DEPDC5: variants seen among roughly 807,000 people sequenced by gnomAD.
DEPDC5 encodes GATOR1 complex protein DEPDC5.
In DEPDC5, 73 loss-of-function variants were observed where a neutral mutation model predicts 217.3. That is an observed-to-expected ratio of 0.34 (90% CI 0.28 to 0.41). DEPDC5 has a LOEUF of 0.41. Among genes scored for constraint, DEPDC5 ranks in the 10% least tolerant of loss-of-function variants. DEPDC5 has a pLI of 1.00. For synonymous variants in DEPDC5, 733 were observed against 756.7 expected, an observed-to-expected ratio of 0.97 and a Z score of 0.51; for missense variants, 1,675 against 2,070.1, an observed-to-expected ratio of 0.81 and a Z score of 3.70.
At chr22:31,765,732 A>G (rs982715597) in intron 5 of DEPDC5, among the ~76,000 whole-genome samples, 1 of 152,232 alleles carries the variant, frequency 6.6e-6, no homozygotes, top group Non-Finnish European at 1.5e-5. Context: ...TTGTAAAACT[A>G]AACATGTAGA....
chr22:31,903,866 T>C (rs1165602798), intron 41 of DEPDC5, among the ~76,000 whole-genome samples: 1 of 151,660 alleles, frequency 6.6e-6, no homozygotes, highest in Non-Finnish European at 1.5e-5. Flanking sequence ...TTGGGGGCCC[T>C]TGGAGGGCAG....
At chr22:31,782,074 G>C (rs1482692718) in intron 8 of DEPDC5, among the ~76,000 whole-genome samples, 1 of 151,522 alleles carries the variant, frequency 6.6e-6, no homozygotes, top group Non-Finnish European at 1.5e-5. Context: ...TAAGAACCTT[G>C]CATATTTATT....
chr22:31,837,329 A>T, intron 26 of DEPDC5, 174 bp downstream of exon 26: 1 of 655,688 alleles, frequency 1.5e-6, no homozygotes, highest in South Asian at 2.4e-5. Flanking sequence ...AAAACATTGA[A>T]TTGTATTTTA....
At chr22:31,786,192 G>A (rs1197880858) in intron 10 of DEPDC5, among the ~76,000 whole-genome samples, 1 of 151,746 alleles carries the variant, frequency 6.6e-6, no homozygotes, top group African/African-American at 2.4e-5. Context: ...GGAGGCGGAG[G>A]TTGCAGTGAG....
intron 8 of DEPDC5, among the ~76,000 whole-genome samples, chr22:31,781,435 A>AT (rs57912927): frequency 0.067 from 10,093 of 151,724 alleles, 368 homozygotes; most frequent in Non-Finnish European, 0.079. Flanking sequence ...TTATTTATTT[A>AT]TTATTATTTT....
chr22:31,847,116 CTGGT>C, intron 31 of DEPDC5, 149 bp downstream of exon 31: 4 of 1,138,246 alleles, frequency 3.5e-6, no homozygotes, highest in Non-Finnish European at 3.7e-6. Flanking sequence ...AGGCTAATAC[CTGGT>C]AGGTGTTGGA....
chr22:31,830,630 CGTGTGT>C (rs34078350), intron 24 of DEPDC5, among the ~76,000 whole-genome samples: 15,851 of 142,480 alleles, frequency 0.11, 861 homozygotes, highest in Admixed American at 0.16. Flanking sequence ...TATGCGTGTA[CGTGTGT>C]GTGTGTGTGT....
rs2088915227 is a variant in DEPDC5 at position 31,815,067 on chromosome 22, A to G, written c.1521A>G (p.Pro507=). 2 of 1,614,068 alleles carry G rather than the reference A, an allele frequency of 1.2e-6. No homozygotes were observed. The highest frequency in any genetic ancestry group is 1.7e-6 in the Non-Finnish European group (2 of 1,180,042). ...SCDVSSSPSL[P]SRTLPTEEVR... ...ATGTTTCATCCAGCCCTTCCCTACC[A>G]AGCCGCACACTGCCCACTGAGGAAG... The change falls in exon 21 of 43, where the codon CCA becomes CCG. Residue 507 remains proline, a synonymous_variant. Transcript: ENST00000651528.
In DEPDC5 at chr22:31,833,914, G is replaced by T. The variant is rs781125997; in HGVS notation, c.2105-1G>T. The T allele has an allele frequency of 6.4e-6, 10 of 1,572,050 alleles. No individual in the cohort carries two copies. Among genetic ancestry groups the T allele is most frequent in the Non-Finnish European group, 8.7e-6 (10 of 1,155,588 alleles). ...GACAAGCTGTTTTTATCTTTCCATA[G>T]GTATGAATCCTAGGACCCAGAATAA... On this transcript the variant is annotated splice_acceptor_variant, in intron 24 of 42. Coordinates refer to ENST00000651528, the MANE Select transcript of DEPDC5 (RefSeq NM_001242896.3). LOFTEE classifies it high-confidence loss of function.
chr22:31,799,129 C>A (rs955868663), intron 14 of DEPDC5, among the ~76,000 whole-genome samples: 3 of 151,622 alleles, frequency 2.0e-5, no homozygotes, highest in Non-Finnish European at 2.9e-5. Flanking sequence ...CTGAAACCTC[C>A]CACTCCTGGG....
In DEPDC5 at chr22:31,893,757, A is replaced by C. The variant is rs1378308088; in HGVS notation, c.4203+6A>C. 1 of 1,593,740 alleles carries C rather than the reference A, an allele frequency of 6.3e-7. No homozygotes were observed. The highest frequency in any genetic ancestry group is 2.3e-5 in the East Asian group (1 of 43,842). On this transcript the variant is annotated splice_donor_region_variant and intron_variant, in intron 39 of 42. Transcript: ENST00000651528. ...CAGCAGTACTCTTCGAGATGGTGAG[A>C]ACCTTCATGCATGTTGTCAGGCCTT...
intron 20 of DEPDC5, among the ~76,000 whole-genome samples, chr22:31,813,754 T>A (rs570615684): frequency 1.3e-5 from 2 of 152,078 alleles, no homozygotes; most frequent in East Asian, 1.9e-4. Context: ...TAGAGAATAG[T>A]ATCATGAACA....
chr22:31,811,025 T>G (rs1230320342), intron 20 of DEPDC5, among the ~76,000 whole-genome samples: 2 of 152,160 alleles, frequency 1.3e-5, no homozygotes, highest in Non-Finnish European at 2.9e-5. Context: ...TCTGCCCGCC[T>G]CGACCTCCCA....
At chr22:31,894,164 A>C (rs2093498827) in intron 39 of DEPDC5, 2 of 153,536 alleles carry the variant, frequency 1.3e-5, no homozygotes. Flanking sequence ...TTAGAGTGAA[A>C]AGTAAGTCTG....
At chr22:31,892,495 C>T (rs369414730) in intron 38 of DEPDC5, among the ~76,000 whole-genome samples, 13 of 152,138 alleles carry the variant, frequency 8.5e-5, no homozygotes, top group African/African-American at 2.9e-4. Flanking sequence ...ACCAGCCTGG[C>T]CAACATGGCA....
At chr22:31,839,006 G>A (rs1417537130) in intron 27 of DEPDC5, among the ~76,000 whole-genome samples, 161 bp downstream of exon 27, 1 of 152,122 alleles carries the variant, frequency 6.6e-6, no homozygotes, top group Non-Finnish European at 1.5e-5. Flanking sequence ...GTCTCCTTTA[G>A]GTATGGATTT....
chr22:31,899,450 G>A (rs1476079762), intron 40 of DEPDC5, among the ~76,000 whole-genome samples: 16 of 152,038 alleles, frequency 1.1e-4, no homozygotes, highest in African/African-American at 3.4e-4. Context: ...GTGCAGTGGC[G>A]TGATGTCCTC....
intron 10 of DEPDC5, among the ~76,000 whole-genome samples, chr22:31,787,711 C>G (rs2085152824): frequency 6.6e-6 from 1 of 151,462 alleles, no homozygotes; most frequent in Admixed American, 6.6e-5. Context: ...ACTCAAGAGG[C>G]TGAGGCAAGA....
intron 33 of DEPDC5, among the ~76,000 whole-genome samples, chr22:31,865,351 G>C (rs2092659998): frequency 6.6e-6 from 1 of 152,072 alleles, no homozygotes; most frequent in South Asian, 2.1e-4. Context: ...TAAATTAGCT[G>C]GGTGTCGTGG....
Sources: allele counts gnomAD v4.1 joint callset (sites outside exome capture counted in the v4.1 genomes callset), GRCh38; gene constraint gnomAD v4.1.1; transcripts MANE v1.5; gene names NCBI Gene and HGNC (gene_info 2026-07-23, HGNC 2026-07-21).